Variants in SERPINB8 observed in about 807,000 individuals in gnomAD.
SERPINB8 encodes the protein serpin B8.
Under a neutral mutation model 35.3 loss-of-function variants are expected in SERPINB8, and 25 were observed. The observed-to-expected ratio is 0.71, with a 90% CI of 0.52 to 0.99. The LOEUF (loss-of-function observed/expected upper bound fraction) is 0.99, where lower values mean the gene tolerates loss of function less well. Ranked by LOEUF, SERPINB8 falls within the 50% of genes least tolerant of loss-of-function variation. The pLI, the probability that SERPINB8 is intolerant of heterozygous loss-of-function variation, is 0.00. For missense variants in SERPINB8, 484 were observed against 446.5 expected (o/e 1.08, Z -0.76); for synonymous variants, 186 against 160.8 (o/e 1.16, Z -1.19).
chr18:63,972,399 G>A (rs1405741142), intron 1 of SERPINB8, among the ~76,000 whole-genome samples: 1 of 152,072 alleles, frequency 6.6e-6, no homozygotes, highest in African/African-American at 2.4e-5. Flanking sequence ...TATAGATATG[G>A]TTCTTTCAGT....
chr18:64,006,119 T>A (rs546861933), downstream of SERPINB8, among the ~76,000 whole-genome samples: 2 of 152,328 alleles, frequency 1.3e-5, no homozygotes, highest in East Asian at 3.9e-4. Context: ...ACAAGTTTTC[T>A]AAAGTCAGTG....
chr18:63,977,894 T>A (rs571797583), intron 1 of SERPINB8, among the ~76,000 whole-genome samples: 1 of 152,226 alleles, frequency 6.6e-6, no homozygotes, highest in Non-Finnish European at 1.5e-5. Context: ...TTTTCTGGAG[T>A]CTCTAGAAGA....
intron 1 of SERPINB8, among the ~76,000 whole-genome samples, chr18:63,977,249 TG>T (rs1215464308): frequency 6.6e-6 from 1 of 152,000 alleles, no homozygotes; most frequent in Admixed American, 6.6e-5. Context: ...ATCTCTAAAG[TG>T]GGGCAATAAC....
intron 3 of SERPINB8, among the ~76,000 whole-genome samples, chr18:63,980,899 T>G (rs1337313520): frequency 2.6e-5 from 4 of 152,164 alleles, no homozygotes; most frequent in Admixed American, 1.3e-4. Flanking sequence ...TTTTGTGAGG[T>G]AAGTTATCTG....
rs1555711119 is a variant in SERPINB8, at chr18:63,970,148, G to GGCA, written c.-16_-14dup. On this transcript the variant is annotated 5_prime_UTR_variant, in exon 1 of 7. Coordinates refer to ENST00000397985, the MANE Select transcript of SERPINB8 (RefSeq NM_002640.4). ...AAGCAGCAGCGGCGGCGGCGGCGGCGGCAGCAGCAGCAGCAGCAGGAGGTG... is the reference window on the plus strand; with the variant it reads ...AAGCAGCAGCGGCGGCGGCGGCGGCGGCAGCAGCAGCAGCAGCAGCAGGAGGTG... 179 of 358,778 alleles carry GGCA rather than the reference G, an allele frequency of 5.0e-4. 1 individual carries two copies. The highest frequency in any genetic ancestry group is 2.2e-3 in the South Asian group (102 of 46,560). The allele number at this position is 358,778 out of a possible 1,614,324, so 22.2% of individuals were successfully genotyped here.
intron 7 of SERPINB8, among the ~76,000 whole-genome samples, chr18:64,015,215 G>A (rs371587824): frequency 9.1e-4 from 139 of 152,300 alleles, no homozygotes; most frequent in African/African-American, 3.3e-3. Flanking sequence ...CCAGGGTCCA[G>A]CATTTGGTGA....
intron 6 of SERPINB8, chr18:63,986,470 A>T: frequency 7.2e-7 from 1 of 1,389,772 alleles, no homozygotes; most frequent in Non-Finnish European, 9.3e-7. Flanking sequence ...TAGACTCAGA[A>T]GCAGAGTTCT....
In SERPINB8 at chr18:63,978,279, C is replaced by T. The variant is rs893478124; in HGVS notation, c.-10-20C>T. ...GAGTCATTGGCTTATGTGCTTTTCCCTGCTGTGCCTTTGATGCAGACCTTC... is the reference window on the plus strand; with the variant it reads ...GAGTCATTGGCTTATGTGCTTTTCCTTGCTGTGCCTTTGATGCAGACCTTC... On this transcript the variant is annotated intron_variant, in intron 1 of 6. Coordinates refer to ENST00000397985, the MANE Select transcript of SERPINB8 (RefSeq NM_002640.4). 5 of 1,613,880 alleles carry T rather than the reference C, an allele frequency of 3.1e-6. No homozygotes were observed. The African/African-American group carries it at 6.7e-5, about 22-fold the overall frequency.
At chr18:63,986,712 G>T (rs1380538898) in intron 6 of SERPINB8, 162 bp from the exon 7 acceptor site, 20 of 1,403,728 alleles carry the variant, frequency 1.4e-5, no homozygotes, top group Non-Finnish European at 1.7e-5. Flanking sequence ...TGAAAATTTG[G>T]GAGAAAATCT....
downstream of SERPINB8, among the ~76,000 whole-genome samples, chr18:63,989,793 A>G (rs2144831235): frequency 6.6e-6 from 1 of 151,260 alleles, no homozygotes; most frequent in South Asian, 2.1e-4. Context: ...AATACAAAAA[A>G]TTAGCTGGGC....
chr18:63,982,406 CA>C (rs1182839909), intron 4 of SERPINB8, among the ~76,000 whole-genome samples: 1 of 152,160 alleles, frequency 6.6e-6, no homozygotes, highest in East Asian at 1.9e-4. Context: ...ATATTTCTGC[CA>C]GTTCTTTACT....
intron 1 of SERPINB8, among the ~76,000 whole-genome samples, chr18:63,973,848 C>G (rs2050534829): frequency 6.6e-6 from 1 of 152,164 alleles, no homozygotes; most frequent in Admixed American, 6.5e-5. Flanking sequence ...TGGTCTATAT[C>G]TCTGTTTTGG....
At chr18:64,019,653 A>C (rs975893844) in exon 8 of SERPINB8, 2 of 151,990 alleles carry the variant, frequency 1.3e-5, no homozygotes, top group South Asian at 4.1e-4. Flanking sequence ...ACACTGATCT[A>C]CCCAGTAAGT....
intron 1 of SERPINB8, among the ~76,000 whole-genome samples, chr18:64,001,717 C>T (rs189066814): frequency 6.6e-6 from 1 of 152,212 alleles, no homozygotes; most frequent in Non-Finnish European, 1.5e-5. Flanking sequence ...GAACCCCTGA[C>T]CTCAGGTGAT....
rs773812902 is a variant in SERPINB8, at chr18:63,986,948, A to G, written c.795A>G (p.Gln265=). The change falls in exon 7 of 7, where the codon CAA becomes CAG. Residue 265 remains glutamine (Q), a synonymous_variant. Coordinates refer to ENST00000397985, the MANE Select transcript of SERPINB8 (RefSeq NM_002640.4). ...AAAAGTTGACAAAAAGTAAGGTTCA[A>G]GTTTTCCTTCCCAGATTAAAGCTGG... ...NSEKLTKSKV[Q]VFLPRLKLEE... 1.2e-6 allele frequency: 2 copies of G among 1,614,082 alleles called. No individual in the cohort carries two copies. The highest frequency in any genetic ancestry group is 1.3e-5 in the African/African-American group (1 of 74,940).
chr18:63,996,901 G>C (rs1161478722), intron 1 of SERPINB8, among the ~76,000 whole-genome samples: 1 of 152,194 alleles, frequency 6.6e-6, no homozygotes, highest in East Asian at 1.9e-4. Flanking sequence ...TTCCCTTGTG[G>C]GGATTTTGAT....
chr18:63,985,298 T>A, intron 6 of SERPINB8, 53 bp downstream of exon 6: 1 of 1,588,322 alleles, frequency 6.3e-7, no homozygotes, highest in South Asian at 1.1e-5. Flanking sequence ...TGAGCTCATT[T>A]CTTTATGTTC....
chr18:64,010,282 C>G (rs552657473), downstream of SERPINB8, among the ~76,000 whole-genome samples: 60 of 152,236 alleles, frequency 3.9e-4, no homozygotes, highest in Middle Eastern at 3.4e-3. Flanking sequence ...TGGCAAACAT[C>G]AATAACAGTC....
intron 1 of SERPINB8, among the ~76,000 whole-genome samples, chr18:63,995,410 C>T (rs1311829257): frequency 6.6e-6 from 1 of 152,194 alleles, no homozygotes; most frequent in East Asian, 1.9e-4. Flanking sequence ...ATCCCTGGCA[C>T]CAGGATGAGG....
Sources: allele counts gnomAD v4.1 joint callset (sites outside exome capture counted in the v4.1 genomes callset), GRCh38; gene constraint gnomAD v4.1.1; transcripts MANE v1.5; gene names NCBI Gene and HGNC (gene_info 2026-07-23, HGNC 2026-07-21).